Variants in AKAP6 observed in about 807,000 individuals in gnomAD.
The protein encoded by AKAP6 is A-kinase anchoring protein 6.
Under a neutral mutation model 188.5 loss-of-function variants are expected in AKAP6, and 58 were observed. The observed-to-expected ratio is 0.31, with a 90% CI of 0.25 to 0.38. The LOEUF is 0.38. Among genes scored for constraint, AKAP6 ranks in the 10% least tolerant of loss-of-function variants. The probability of loss-of-function intolerance (pLI) is 1.00; values close to 1 mark genes in which losing one functional copy is unlikely to be tolerated. For missense variants in AKAP6, 2,710 were observed against 2,740.0 expected (o/e 0.99, Z 0.24); for synonymous variants, 989 against 998.6 (o/e 0.99, Z 0.18).
chr14:32,566,113 C>G (rs1884174572), intron 4 of AKAP6, among the ~76,000 whole-genome samples: 2 of 152,122 alleles, frequency 1.3e-5, no homozygotes, highest in South Asian at 4.1e-4. Context: ...ATTTTCATAT[C>G]AACACTAAAT....
chr14:32,600,637 G>C lies in AKAP6; in HGVS notation c.2575G>C (p.Asp859His). The change falls in exon 7 of 14, where the codon GAC becomes CAC. Residue 859 changes from aspartate to histidine, a missense_variant. This residue lies in a region of AKAP6 where 2,473 missense variants were observed against 2,426.1 expected (regional missense o/e 1.02). Coordinates refer to ENST00000280979, the MANE Select transcript of AKAP6 (RefSeq NM_004274.5). ...CCCTCCTTTTGGAGAAGGACTGAAG[G>C]ACATGCTGCGGATGATTGCAAGTCA... Reference protein sequence around the residue: ...LIASHKAGLKDMLRMIASQWK... With the variant: ...LIASHKAGLKHMLRMIASQWK... 2.5e-6 allele frequency: 4 copies of C among 1,611,730 alleles called. No individual in the cohort carries two copies. The highest frequency in any genetic ancestry group is 3.4e-6 in the Non-Finnish European group (4 of 1,178,860).
At chr14:32,829,164 A>G (rs10133265) in intron 13 of AKAP6, among the ~76,000 whole-genome samples, 50,726 of 152,066 alleles carry the variant, frequency 0.33, 8,673 homozygotes, top group African/African-American at 0.38. Flanking sequence ...GGCAGAATGG[A>G]TCAAGTTTGG....
intron 2 of AKAP6, among the ~76,000 whole-genome samples, chr14:32,491,184 A>G (rs1447255073): frequency 6.6e-6 from 1 of 152,168 alleles, no homozygotes; most frequent in Non-Finnish European, 1.5e-5. Flanking sequence ...GGTTTAATCA[A>G]TTACCCATGC....
chr14:32,514,017 G>C (rs1881390720), intron 2 of AKAP6, among the ~76,000 whole-genome samples: 1 of 152,058 alleles, frequency 6.6e-6, no homozygotes, highest in African/African-American at 2.4e-5. Context: ...TTATAAACAA[G>C]TATTTGACAG....
intron 2 of AKAP6, among the ~76,000 whole-genome samples, chr14:32,481,975 T>G (rs1879372444): frequency 6.7e-6 from 1 of 150,126 alleles, no homozygotes; most frequent in African/African-American, 2.4e-5. Flanking sequence ...TTCTGGCTCC[T>G]TTGTTCCATC....
chr14:32,536,354 C>T (rs1882677926), intron 3 of AKAP6, among the ~76,000 whole-genome samples: 1 of 152,138 alleles, frequency 6.6e-6, no homozygotes, highest in South Asian at 2.1e-4. Context: ...AGAACATGTT[C>T]TAGGCAGAGG....
intron 7 of AKAP6, among the ~76,000 whole-genome samples, chr14:32,668,524 G>A (rs568872773): frequency 6.6e-6 from 1 of 152,172 alleles, no homozygotes; most frequent in South Asian, 2.1e-4. Context: ...TATCATTAAG[G>A]AAACAGCTTT....
intron 1 of AKAP6, among the ~76,000 whole-genome samples, chr14:32,408,852 A>G (rs1956999): frequency 0.93 from 142,195 of 152,084 alleles, 67,100 homozygotes; most frequent in East Asian, 1. Flanking sequence ...AATGCTGGTG[A>G]AAGGCTTCAT....
Position 32,696,105 on chromosome 14 carries a change from T to A in AKAP6, c.2995T>A (p.Tyr999Asn). 1 of 1,607,002 alleles carries A rather than the reference T, an allele frequency of 6.2e-7. No individual in the cohort carries two copies. The highest frequency in any genetic ancestry group is 8.5e-7 in the Non-Finnish European group (1 of 1,177,916). Residue 999 changes from tyrosine (Y) to asparagine (N), a missense_variant, in exon 9 of 14, where the codon TAC (tyrosine) becomes AAC (asparagine). Around this residue, in one of 2 missense-constraint regions of AKAP6, gnomAD observed 2,473 missense variants for 2,426.1 expected, o/e 1.02. Transcript: ENST00000280979. ...GTCAGAGGAGCAGCAGCAGCATCTT[T>A]ACAAGGTTAGAGCTACCCTTCCTGC... is the stretch of plus-strand genomic sequence containing the variant. ...MMSEEQQQHL[Y>N]KRYSVEMSIR...
intron 11 of AKAP6, among the ~76,000 whole-genome samples, chr14:32,748,936 G>A (rs903109346): frequency 6.6e-4 from 100 of 151,866 alleles, no homozygotes; most frequent in Admixed American, 6.4e-3. Flanking sequence ...CATTATGAGT[G>A]CACACACAAG....
intron 7 of AKAP6, among the ~76,000 whole-genome samples, chr14:32,659,937 A>G (rs990664260): frequency 1.3e-5 from 2 of 152,108 alleles, no homozygotes; most frequent in Non-Finnish European, 1.5e-5. Context: ...GGTGTAACCG[A>G]CAAGGTGACA....
At chr14:32,637,352 A>G (rs1277404201) in intron 7 of AKAP6, among the ~76,000 whole-genome samples, 1 of 152,122 alleles carries the variant, frequency 6.6e-6, no homozygotes, top group Admixed American at 6.6e-5. Flanking sequence ...TTGATTCTGA[A>G]GGCCAGAAGC....
intron 12 of AKAP6, among the ~76,000 whole-genome samples, chr14:32,793,301 A>T (rs982755010): frequency 2.0e-5 from 3 of 152,202 alleles, no homozygotes; most frequent in African/African-American, 7.2e-5. Context: ...AGAGACACAC[A>T]TAGGCTCAAA....
intron 9 of AKAP6, among the ~76,000 whole-genome samples, chr14:32,714,477 C>A (rs1027691988): frequency 1.3e-5 from 2 of 151,856 alleles, no homozygotes; most frequent in African/African-American, 4.8e-5. Flanking sequence ...TTTCTAAATA[C>A]TACACTGCTT....
In AKAP6 at chr14:32,535,742, C is replaced by T. The variant is rs760316660; in HGVS notation, c.513C>T (p.Asp171=). 63 of 1,614,090 alleles carry T rather than the reference C, an allele frequency of 3.9e-5. No homozygotes were observed. The highest frequency in any genetic ancestry group is 9.3e-5 in the African/African-American group (7 of 74,936). Residue 171 remains aspartate, a synonymous_variant, in exon 3 of 14, where the codon GAC becomes GAT. Coordinates refer to ENST00000280979, the MANE Select transcript of AKAP6 (RefSeq NM_004274.5). ...AGCGCATTCTGCAAGGTCTGCAGGA[C>T]GCCAATGGCAACTACACTAGGCAGA... The part of the protein sequence containing the change: ...LRERILQGLQ[D]ANGNYTRQTD...
chr14:32,533,510 G>A (rs778569475), intron 2 of AKAP6, among the ~76,000 whole-genome samples: 1 of 152,154 alleles, frequency 6.6e-6, no homozygotes, highest in Non-Finnish European at 1.5e-5. Context: ...GTGAGTCCAG[G>A]TAGTAGATGG....
chr14:32,627,832 AT>A (rs966928081), intron 7 of AKAP6, among the ~76,000 whole-genome samples: 4 of 151,204 alleles, frequency 2.6e-5, no homozygotes, highest in East Asian at 1.9e-4. Context: ...TTAAGCTTTC[AT>A]TTTTTTTTCT....
intron 11 of AKAP6, among the ~76,000 whole-genome samples, chr14:32,738,515 T>G (rs926745354): frequency 1.3e-5 from 2 of 152,164 alleles, no homozygotes; most frequent in Non-Finnish European, 2.9e-5. Flanking sequence ...GACCAAGCAC[T>G]TTTATGCATA....
chr14:32,602,209 G>GGA (rs1885955381), intron 7 of AKAP6, among the ~76,000 whole-genome samples: 1 of 152,168 alleles, frequency 6.6e-6, no homozygotes, highest in South Asian at 2.1e-4. Context: ...GTGGAAGTAG[G>GGA]GAGAGGAAAG....
Sources: allele counts gnomAD v4.1 joint callset (sites outside exome capture counted in the v4.1 genomes callset), GRCh38; gene constraint gnomAD v4.1.1; regional missense constraint gnomAD v4.1.1; transcripts MANE v1.5; gene names NCBI Gene and HGNC (gene_info 2026-07-23, HGNC 2026-07-21).